LHX4: variants seen among roughly 807,000 people sequenced by gnomAD.
LHX4 encodes the protein LIM/homeobox protein Lhx4.
Under a neutral mutation model 39.2 loss-of-function variants are expected in LHX4, and 16 were observed. The ratio of observed to expected loss-of-function variants is 0.41; its 90% confidence interval spans 0.28 to 0.62. LHX4 has a LOEUF of 0.62. LHX4 is among the 20% of genes least tolerant of loss of function. LHX4 has a pLI of 0.33. For synonymous variants in LHX4, 206 were observed against 198.1 expected (o/e 1.04, Z -0.33); for missense variants, 439 against 511.9 (o/e 0.86, Z 1.37).
upstream of LHX4, among the ~76,000 whole-genome samples, chr1:180,228,985 C>T (rs1391563102): frequency 1.3e-5 from 2 of 152,136 alleles, no homozygotes; most frequent in Non-Finnish European, 2.9e-5. Context: ...TTGGGGCAGA[C>T]GGGGTGGGCT....
chr1:180,266,323 C>T lies in LHX4; in HGVS notation c.249-69C>T, dbSNP rs572596429. The T allele has an allele frequency of 6.6e-7, 1 of 1,522,196 alleles. No individual in the cohort carries two copies. The highest frequency in any genetic ancestry group is 1.7e-5 in the Admixed American group (1 of 59,858). The allele number at this position is 1,522,196 out of a possible 1,614,324, so 94.3% of individuals were successfully genotyped here. ...GTGGTGGGGTAGGAGGGAGGCTGCT[C>T]CAGGAAGTTGGGGGAAGCCAGATCC... On this transcript the variant is annotated intron_variant, in intron 2 of 5. Coordinates refer to ENST00000263726, the MANE Select transcript of LHX4 (RefSeq NM_033343.4). This position sits in a 1 kb window ranked among gnomAD's most constrained non-coding sequence, Gnocchi z 5.7.
rs1265416177 is a variant in LHX4 at position 180,232,640 on chromosome 1, G to T, written c.76+2035G>T. Among the ~76,000 whole-genome samples, 1 of 152,182 alleles carries T rather than the reference G, an allele frequency of 6.6e-6. No individual in the cohort carries two copies. The highest frequency in any genetic ancestry group is 1.5e-5 in the Non-Finnish European group (1 of 68,036). ...AGGAGGCATCGGCCAAAATTGAGGGGCCCACTCCCTGAAGACTTCTGGATC... is the reference window on the plus strand; with the variant it reads ...AGGAGGCATCGGCCAAAATTGAGGGTCCCACTCCCTGAAGACTTCTGGATC... On this transcript the variant is annotated intron_variant, in intron 1 of 5. Transcript: ENST00000263726. This position sits in a 1 kb window ranked among gnomAD's most constrained non-coding sequence, Gnocchi z 5.4.
At position 180,278,397 on chromosome 1, in the gene LHX4, T is replaced by TAAAC. The variant is rs2149271933; in HGVS notation, c.*3820_*3823dup. 1.3e-5 allele frequency: 2 copies of TAAAC among 152,240 alleles called. No homozygotes were observed. Among genetic ancestry groups the TAAAC allele is most frequent in the Non-Finnish European group, 2.9e-5 (2 of 68,026 alleles). The allele number at this position is 152,240 out of a possible 1,614,324, so 9.4% of individuals were successfully genotyped here. A position where few individuals can be genotyped will look rare whatever the true frequency, so the allele number is the denominator to read the frequency against. ...TTTGCAGTAGTTGCTCCAACTGTTCTAAACAGTGAGTGACTGGAGCCAAAA... is the reference window on the plus strand; with the variant it reads ...TTTGCAGTAGTTGCTCCAACTGTTCTAAACAAACAGTGAGTGACTGGAGCCAAAA... On this transcript the variant is annotated 3_prime_UTR_variant, in exon 6 of 6. Transcript: ENST00000263726.
At chr1:180,257,013 C>T (rs1446354077) in intron 2 of LHX4, among the ~76,000 whole-genome samples, 11 of 152,352 alleles carry the variant, frequency 7.2e-5, no homozygotes, top group East Asian at 1.9e-4. Context: ...TGACATGATC[C>T]GTGCTTGTTT....
chr1:180,266,359 G>A lies in LHX4; in HGVS notation c.249-33G>A. On this transcript the variant is annotated intron_variant, in intron 2 of 5. Transcript: ENST00000263726. The surrounding 1 kb of genome is among the most constrained non-coding windows in gnomAD (Gnocchi z 5.7). ...GGGGAAGCCAGATCCCTTGCTCCCT[G>A]TGTGCCCTAATCCTTTCCTGCTGCC... 1 of 1,611,306 alleles carries A rather than the reference G, an allele frequency of 6.2e-7. No homozygotes were observed. The highest frequency in any genetic ancestry group is 8.5e-7 in the Non-Finnish European group (1 of 1,177,914).
Position 180,234,174 on chromosome 1 carries a change from T to C in LHX4, c.76+3569T>C, listed in dbSNP as rs1210898416. ...ACACACACAACACACACAAATTATA[T>C]ATATATATATATATATATATATATA... On this transcript the variant is annotated intron_variant, in intron 1 of 5. Coordinates refer to ENST00000263726, the MANE Select transcript of LHX4 (RefSeq NM_033343.4). This position sits in a 1 kb window ranked among gnomAD's most constrained non-coding sequence, Gnocchi z 4.8. Among the ~76,000 whole-genome samples the C allele has an allele frequency of 9.2e-5, 1 of 10,864 alleles. No homozygotes were observed. Among genetic ancestry groups the C allele is most frequent in the Non-Finnish European group, 1.8e-4 (1 of 5,502 alleles). 7.1% of individuals were successfully genotyped at this position (10,864 alleles called of 152,430 possible).
At position 180,230,310 on chromosome 1, in the gene LHX4, G is replaced by A. The variant is rs899515833; in HGVS notation, c.-220G>A. ...CAACCTGGGATGTGCACCAACCCCGGAGAGCGAGATCAAAGGGACTGGAAA... is the reference window on the plus strand; with the variant it reads ...CAACCTGGGATGTGCACCAACCCCGAAGAGCGAGATCAAAGGGACTGGAAA... On this transcript the variant is annotated 5_prime_UTR_variant, in exon 1 of 6. Transcript: ENST00000263726. The surrounding 1 kb of genome is among the most constrained non-coding windows in gnomAD (Gnocchi z 5.8). The A allele has an allele frequency of 6.6e-6, 4 of 610,080 alleles. No homozygotes were observed. The highest frequency in any genetic ancestry group is 1.2e-5 in the Non-Finnish European group (4 of 340,678). 37.8% of individuals were successfully genotyped at this position (610,080 alleles called of 1,614,324 possible).
At chr1:180,245,078 C>A (rs6673375) in intron 1 of LHX4, among the ~76,000 whole-genome samples, 30 of 152,016 alleles carry the variant, frequency 2.0e-4, no homozygotes, top group Non-Finnish European at 3.4e-4. Context: ...CCTGAGCTGG[C>A]AGGGCTTCCT....
At chr1:180,235,760 C>A (rs1246254438) in intron 1 of LHX4, among the ~76,000 whole-genome samples, 2 of 152,200 alleles carry the variant, frequency 1.3e-5, no homozygotes, top group Non-Finnish European at 2.9e-5. Context: ...CGGCACTGTG[C>A]GCCGCCGGGG....
Position 180,274,720 on chromosome 1 carries a change from A to G in LHX4, c.*141A>G. ...CAATGGAAGTCCTCCGCTGATTCCTAGAAGGCTGTGAGACCACACTAGGGC... is the reference window on the plus strand; with the variant it reads ...CAATGGAAGTCCTCCGCTGATTCCTGGAAGGCTGTGAGACCACACTAGGGC... On this transcript the variant is annotated 3_prime_UTR_variant, in exon 6 of 6. Coordinates refer to ENST00000263726, the MANE Select transcript of LHX4 (RefSeq NM_033343.4). 2 of 1,052,260 alleles carry G rather than the reference A, an allele frequency of 1.9e-6. No homozygotes were observed. The highest frequency in any genetic ancestry group is 2.5e-5 in the East Asian group (1 of 40,338). 65.2% of individuals were successfully genotyped at this position (1,052,260 alleles called of 1,614,324 possible). A position where few individuals can be genotyped will look rare whatever the true frequency, so the allele number is the denominator to read the frequency against.
chr1:180,233,322 T>A (rs164981), intron 1 of LHX4, among the ~76,000 whole-genome samples: 19,863 of 152,216 alleles, frequency 0.13, 2,807 homozygotes, highest in African/African-American at 0.34. Flanking sequence ...GCCCTCCTGG[T>A]TTTTTACCGC....
At position 180,266,576 on chromosome 1, in the gene LHX4, G is replaced by A; in HGVS notation, c.433G>A (p.Glu145Lys). The A allele has an allele frequency of 6.2e-7, 1 of 1,614,092 alleles. No individual in the cohort carries two copies. The highest frequency in any genetic ancestry group is 8.5e-7 in the Non-Finnish European group (1 of 1,179,996). ...GCGGCTGGTGTGCAAGGAAGACTACGAGACAGCCAAGCAGAACGGTAAGCA... is the reference window on the plus strand; with the variant it reads ...GCGGCTGGTGTGCAAGGAAGACTACAAGACAGCCAAGCAGAACGGTAAGCA... ...DGRLVCKEDY[E>K]TAKQNDDSEA... Residue 145 changes from glutamate to lysine, a missense_variant, in exon 3 of 6, where the codon GAG becomes AAG. Physicochemically the swap from Glu to Lys is moderately conservative, Grantham distance 56. Coordinates refer to ENST00000263726, the MANE Select transcript of LHX4 (RefSeq NM_033343.4). This position sits in a 1 kb window ranked among gnomAD's most constrained non-coding sequence, Gnocchi z 5.7.
intron 2 of LHX4, among the ~76,000 whole-genome samples, chr1:180,263,905 C>T (rs937414394): frequency 6.6e-6 from 1 of 152,108 alleles, no homozygotes; most frequent in Non-Finnish European, 1.5e-5. Flanking sequence ...GACACATTCT[C>T]CAGATTTGCG....
intron 1 of LHX4, among the ~76,000 whole-genome samples, chr1:180,244,294 T>C (rs1647303949): frequency 6.6e-6 from 1 of 152,204 alleles, no homozygotes; most frequent in South Asian, 2.1e-4. Flanking sequence ...GCACCCTTGG[T>C]AGGCCCCTTC....
At chr1:180,253,521 T>C (rs912580532) in intron 2 of LHX4, among the ~76,000 whole-genome samples, 2 of 152,238 alleles carry the variant, frequency 1.3e-5, no homozygotes, top group Admixed American at 1.3e-4. Context: ...AAGGAGTGAT[T>C]TTCTCAGCAG....
upstream of LHX4, among the ~76,000 whole-genome samples, chr1:180,228,802 C>T (rs1184140863): frequency 6.6e-6 from 1 of 152,164 alleles, no homozygotes; most frequent in Non-Finnish European, 1.5e-5. Flanking sequence ...AGCAGGTGTC[C>T]CTTGTTTGGA....
chr1:180,243,854 G>A (rs946784636), intron 1 of LHX4, among the ~76,000 whole-genome samples: 2 of 152,078 alleles, frequency 1.3e-5, no homozygotes, highest in Admixed American at 6.6e-5. Flanking sequence ...ACATGGAATC[G>A]TGTTGAGACT....
At chr1:180,236,283 T>C (rs969276427) in intron 1 of LHX4, among the ~76,000 whole-genome samples, 6 of 152,156 alleles carry the variant, frequency 3.9e-5, no homozygotes, top group African/African-American at 1.4e-4. Flanking sequence ...CACAGGGGCA[T>C]CTTGTATTTT....
rs1200883849 is a variant in LHX4, at chr1:180,230,849, T to A, written c.76+244T>A. ...GGCGAGCCGAGTACCGAACCCCGCATCTCCAGCCCAAGGCTTTTCTTGGAA... is the reference window on the plus strand; with the variant it reads ...GGCGAGCCGAGTACCGAACCCCGCAACTCCAGCCCAAGGCTTTTCTTGGAA... On this transcript the variant is annotated intron_variant, in intron 1 of 5. Transcript: ENST00000263726. The surrounding 1 kb of genome is among the most constrained non-coding windows in gnomAD (Gnocchi z 5.8). Among the ~76,000 whole-genome samples, 1 of 152,152 alleles carries A rather than the reference T, an allele frequency of 6.6e-6. No homozygotes were observed. Among genetic ancestry groups the A allele is most frequent in the Non-Finnish European group, 1.5e-5 (1 of 68,016 alleles).
Sources: gnomAD v4.1 joint callset for allele counts (sites outside exome capture counted in the v4.1 genomes callset) on GRCh38, gnomAD v4.1.1 for gene constraint, Gnocchi (gnomAD v3.1) non-coding constraint, MANE v1.5 for transcripts, NCBI Gene and HGNC (gene_info 2026-07-23, HGNC 2026-07-21) for gene names.